Variants in CHST11 observed in about 807,000 individuals in gnomAD.
CHST11 encodes C4S-1.
Under a neutral mutation model 30.4 loss-of-function variants are expected in CHST11, and 9 were observed. The observed-to-expected ratio is 0.30, with a 90% CI of 0.18 to 0.52. The LOEUF is 0.52. CHST11 is among the 20% of genes least tolerant of loss of function. The pLI is 0.97. For missense variants in CHST11, 348 were observed against 460.6 expected (o/e 0.76, Z 2.24); for synonymous variants, 152 against 187.8 (o/e 0.81, Z 1.56).
At chr12:104,751,787 A>T (rs1363841241) in intron 2 of CHST11, among the ~76,000 whole-genome samples, 3 of 152,222 alleles carry the variant, frequency 2.0e-5, no homozygotes, top group African/African-American at 7.2e-5. Flanking sequence ...CATTTTGCAA[A>T]TAGAGGAACT....
At chr12:104,461,699 T>G (rs1275714133) in intron 1 of CHST11, among the ~76,000 whole-genome samples, 1 of 152,258 alleles carries the variant, frequency 6.6e-6, no homozygotes, top group Non-Finnish European at 1.5e-5. Flanking sequence ...TTATTTTCAC[T>G]GTCACCTGGG....
chr12:104,508,787 T>C (rs1441192088), intron 1 of CHST11, among the ~76,000 whole-genome samples: 1 of 152,220 alleles, frequency 6.6e-6, no homozygotes, highest in African/African-American at 2.4e-5. Context: ...GTGACAGTCT[T>C]TCTTATAGCT....
chr12:104,533,058 G>A (rs1383655543), intron 1 of CHST11, among the ~76,000 whole-genome samples: 8 of 152,106 alleles, frequency 5.3e-5, no homozygotes, highest in Non-Finnish European at 8.8e-5. Flanking sequence ...CTACAGGCAC[G>A]CACCACCATG....
chr12:104,620,048 A>G (rs953410283), intron 2 of CHST11, among the ~76,000 whole-genome samples: 1 of 152,210 alleles, frequency 6.6e-6, no homozygotes, highest in African/African-American at 2.4e-5. Flanking sequence ...TGATGGGGCC[A>G]CTTGAAGATC....
At chr12:104,669,931 G>A (rs1185685726) in intron 2 of CHST11, among the ~76,000 whole-genome samples, 1 of 152,250 alleles carries the variant, frequency 6.6e-6, no homozygotes, top group Non-Finnish European at 1.5e-5. Context: ...AGAGAACTGA[G>A]TTGATGCATA....
At chr12:104,686,326 C>A (rs529032743) in intron 2 of CHST11, among the ~76,000 whole-genome samples, 1 of 151,322 alleles carries the variant, frequency 6.6e-6, no homozygotes. Flanking sequence ...GCTGATCCAG[C>A]GCTTGGCTGA....
intron 1 of CHST11, among the ~76,000 whole-genome samples, chr12:104,590,183 C>T (rs539447445): frequency 1.1e-4 from 17 of 152,250 alleles, no homozygotes; most frequent in African/African-American, 3.4e-4. Flanking sequence ...CCTGCACGTG[C>T]GCTGTCTATG....
At chr12:104,489,755 G>A (rs533319830) in intron 1 of CHST11, among the ~76,000 whole-genome samples, 46 of 152,244 alleles carry the variant, frequency 3.0e-4, no homozygotes, top group Non-Finnish European at 4.7e-4. Context: ...GAGCCACTGC[G>A]CCCGGCCAGA....
intron 1 of CHST11, among the ~76,000 whole-genome samples, chr12:104,573,773 G>A (rs987503647): frequency 7.9e-5 from 12 of 152,126 alleles, no homozygotes; most frequent in Non-Finnish European, 1.3e-4. Flanking sequence ...GAAAACCTAG[G>A]CAATACCATT....
intron 1 of CHST11, among the ~76,000 whole-genome samples, chr12:104,520,555 C>T (rs775723838): frequency 1.3e-5 from 2 of 152,054 alleles, no homozygotes; most frequent in Non-Finnish European, 2.9e-5. Context: ...ATAGATTGTT[C>T]CAGCATCTGA....
chr12:104,498,303 T>G (rs2037820159), intron 1 of CHST11, among the ~76,000 whole-genome samples: 1 of 152,196 alleles, frequency 6.6e-6, no homozygotes, highest in African/African-American at 2.4e-5. Context: ...AGTTGCCATC[T>G]CTGTCACTCT....
At chr12:104,581,057 C>T (rs1467871226) in intron 1 of CHST11, among the ~76,000 whole-genome samples, 1 of 152,204 alleles carries the variant, frequency 6.6e-6, no homozygotes, top group African/African-American at 2.4e-5. Flanking sequence ...TCTGGCCCTC[C>T]TGTTCTGTCC....
chr12:104,508,353 G>A (rs778140291), intron 1 of CHST11, among the ~76,000 whole-genome samples: 10 of 152,140 alleles, frequency 6.6e-5, no homozygotes, highest in South Asian at 2.1e-4. Flanking sequence ...AGTAAGTATC[G>A]TAACCTTCTT....
intron 2 of CHST11, among the ~76,000 whole-genome samples, chr12:104,643,727 G>A (rs1024696119): frequency 3.3e-5 from 5 of 151,976 alleles, no homozygotes; most frequent in African/African-American, 1.2e-4. Context: ...TCCTTTGCCT[G>A]GAATGGCTTA....
intron 1 of CHST11, among the ~76,000 whole-genome samples, chr12:104,461,681 C>T (rs1234016638): frequency 3.3e-5 from 5 of 152,136 alleles, no homozygotes; most frequent in Non-Finnish European, 7.4e-5. Context: ...TTTATTTTTG[C>T]AAAATGTTTA....
rs2040500815 is a variant in CHST11 at position 104,758,812 on chromosome 12, C to CGTGA, written c.*1014_*1017dup. 6.6e-6 allele frequency: 1 copy of CGTGA among 152,136 alleles called. No individual in the cohort carries two copies. Among genetic ancestry groups the CGTGA allele is most frequent in the Non-Finnish European group, 1.5e-5 (1 of 68,048 alleles). 9.4% of individuals were successfully genotyped at this position (152,136 alleles called of 1,614,324 possible). A position where few individuals can be genotyped will look rare whatever the true frequency, so the allele number is the denominator to read the frequency against. ...CATTCGGAGCAGGCCACTTTATATTCGTGAGTGATCCCAAGCTCACTGACC... is the reference window on the plus strand; with the variant it reads ...CATTCGGAGCAGGCCACTTTATATTCGTGAGTGAGTGATCCCAAGCTCACTGACC... On this transcript the variant is annotated 3_prime_UTR_variant, in exon 3 of 3. Coordinates refer to ENST00000303694, the MANE Select transcript of CHST11 (RefSeq NM_018413.6).
chr12:104,458,015 G>C lies in CHST11; in HGVS notation c.118+486G>C, dbSNP rs1416210660. Among the ~76,000 whole-genome samples the C allele has an allele frequency of 3.3e-5, 5 of 151,818 alleles. No individual in the cohort carries two copies. Among genetic ancestry groups the C allele is most frequent in the Non-Finnish European group, 7.4e-5 (5 of 67,870 alleles). On this transcript the variant is annotated intron_variant, in intron 1 of 2. Coordinates refer to ENST00000303694, the MANE Select transcript of CHST11 (RefSeq NM_018413.6). This position sits in a 1 kb window ranked among gnomAD's most constrained non-coding sequence, Gnocchi z 5.7. ...GCCTCTTCCTGGTTGCCGGGCCGGGGGCGAAGGGTGTACGCCCCGGCGAGG... is the reference window on the plus strand; with the variant it reads ...GCCTCTTCCTGGTTGCCGGGCCGGGCGCGAAGGGTGTACGCCCCGGCGAGG...
At chr12:104,569,155 C>T (rs909489052) in intron 1 of CHST11, among the ~76,000 whole-genome samples, 1 of 152,090 alleles carries the variant, frequency 6.6e-6, no homozygotes, top group African/African-American at 2.4e-5. Flanking sequence ...ACCCAATTGT[C>T]TGGCTCTAGA....
intron 2 of CHST11, among the ~76,000 whole-genome samples, chr12:104,683,901 G>A (rs2039820864): frequency 6.6e-6 from 1 of 152,196 alleles, no homozygotes; most frequent in South Asian, 2.1e-4. Context: ...GTTCCATCAT[G>A]CTAGCATCTG....
Sources: allele counts gnomAD v4.1 joint callset (sites outside exome capture counted in the v4.1 genomes callset), GRCh38; gene constraint gnomAD v4.1.1; non-coding constraint Gnocchi (gnomAD v3.1); transcripts MANE v1.5; gene names NCBI Gene and HGNC (gene_info 2026-07-23, HGNC 2026-07-21).